Variants in MDGA2 observed in about 807,000 individuals in gnomAD.
MDGA2 encodes the protein MAM domain containing glycosylphosphatidylinositol anchor 2.
In MDGA2, 40 loss-of-function variants were observed where a neutral mutation model predicts 117.8. That is an observed-to-expected ratio of 0.34 (90% CI 0.26 to 0.44). The LOEUF (loss-of-function observed/expected upper bound fraction) is 0.44. Among genes scored for constraint, MDGA2 ranks in the 20% least tolerant of loss-of-function variants. The pLI is 1.00. For missense variants in MDGA2, 1,123 were observed against 1,250.6 expected, an observed-to-expected ratio of 0.90 and a Z score of 1.54; for synonymous variants, 452 against 439.0, an observed-to-expected ratio of 1.03 and a Z score of -0.37.
intron 2 of MDGA2, among the ~76,000 whole-genome samples, chr14:47,291,848 C>G (rs1888901157): frequency 6.6e-6 from 1 of 152,178 alleles, no homozygotes. Flanking sequence ...CTCTAGGTTA[C>G]CAAGACAATC....
chr14:47,461,050 G>C (rs751677407), intron 1 of MDGA2, among the ~76,000 whole-genome samples: 1 of 152,014 alleles, frequency 6.6e-6, no homozygotes, highest in Middle Eastern at 3.4e-3. Context: ...AAATCCGAGG[G>C]AATAAATTTT....
At chr14:47,563,035 T>G (rs1895845411) in intron 1 of MDGA2, among the ~76,000 whole-genome samples, 1 of 152,172 alleles carries the variant, frequency 6.6e-6, no homozygotes, top group Non-Finnish European at 1.5e-5. Flanking sequence ...CATATAATGT[T>G]ATGGTTTTGA....
chr14:47,146,524 T>C (rs1882950540), intron 3 of MDGA2, among the ~76,000 whole-genome samples: 1 of 152,350 alleles, frequency 6.6e-6, no homozygotes, highest in Middle Eastern at 3.4e-3. Context: ...TATCAAATAT[T>C]CATTAATTTG....
intron 8 of MDGA2, among the ~76,000 whole-genome samples, chr14:46,989,390 A>C (rs1886995525): frequency 6.6e-6 from 1 of 152,080 alleles, no homozygotes; most frequent in Non-Finnish European, 1.5e-5. Context: ...ATGATTTCTC[A>C]TCAGAGTGAA....
At chr14:47,600,367 G>C (rs1157966474) in intron 1 of MDGA2, among the ~76,000 whole-genome samples, 1 of 152,054 alleles carries the variant, frequency 6.6e-6, no homozygotes, top group African/African-American at 2.4e-5. Context: ...CCGGGAGACA[G>C]AGTTTGCAGT....
chr14:47,249,646 T>A (rs760997966), intron 2 of MDGA2, among the ~76,000 whole-genome samples: 1 of 152,196 alleles, frequency 6.6e-6, no homozygotes, highest in African/African-American at 2.4e-5. Flanking sequence ...CCACAATTCT[T>A]ATGGCCTCTT....
At chr14:46,960,053 C>G (rs1370300079) in intron 8 of MDGA2, among the ~76,000 whole-genome samples, 1 of 151,952 alleles carries the variant, frequency 6.6e-6, no homozygotes, top group Non-Finnish European at 1.5e-5. Context: ...GAAACCCCGT[C>G]TCTACCAAAA....
At chr14:47,609,320 G>GT (rs1366185618) in intron 1 of MDGA2, among the ~76,000 whole-genome samples, 1 of 148,882 alleles carries the variant, frequency 6.7e-6, no homozygotes, top group Non-Finnish European at 1.5e-5. Context: ...ACAATGTTTG[G>GT]TTTTCCATTC....
At chr14:47,142,475 A>G (rs1882763835) in intron 4 of MDGA2, among the ~76,000 whole-genome samples, 1 of 151,976 alleles carries the variant, frequency 6.6e-6, no homozygotes, top group African/African-American at 2.4e-5. Flanking sequence ...AAACAAACAA[A>G]CAAAAAGAAA....
intron 1 of MDGA2, among the ~76,000 whole-genome samples, chr14:47,514,835 C>T (rs1330084307): frequency 6.6e-6 from 1 of 152,098 alleles, no homozygotes; most frequent in Non-Finnish European, 1.5e-5. Context: ...AAGGGGGTCA[C>T]ATCATGACAA....
chr14:46,862,222 C>G (rs117387944), intron 14 of MDGA2, among the ~76,000 whole-genome samples: 72 of 151,766 alleles, frequency 4.7e-4, no homozygotes, highest in Non-Finnish European at 8.4e-4. Context: ...TAATTCTCAT[C>G]TTTTGGTCAC....
At chr14:47,026,861 A>T (rs1888491220) in intron 8 of MDGA2, among the ~76,000 whole-genome samples, 1 of 152,228 alleles carries the variant, frequency 6.6e-6, no homozygotes, top group South Asian at 2.1e-4. Context: ...GAACAGAGGC[A>T]TGTAAACTTT....
intron 1 of MDGA2, among the ~76,000 whole-genome samples, chr14:47,435,156 C>T (rs192054267): frequency 1.3e-5 from 2 of 152,118 alleles, no homozygotes; most frequent in East Asian, 3.9e-4. Context: ...CAAAGCAAAA[C>T]AAACCAACAT....
chr14:46,968,920 AGT>A (rs1886146770), intron 8 of MDGA2, among the ~76,000 whole-genome samples: 1 of 152,096 alleles, frequency 6.6e-6, no homozygotes. Context: ...AAAAATCAGT[AGT>A]GTTTCTATAT....
chr14:47,218,307 C>G (rs756593720), intron 2 of MDGA2, 112 bp from the exon 3 acceptor site: 51 of 885,172 alleles, frequency 5.8e-5, no homozygotes, highest in Non-Finnish European at 8.1e-5. Flanking sequence ...ATTGCCTCTC[C>G]CATCAAATTA....
chr14:46,990,337 A>C (rs1284376002), intron 8 of MDGA2, among the ~76,000 whole-genome samples: 3 of 152,078 alleles, frequency 2.0e-5, no homozygotes, highest in African/African-American at 7.2e-5. Context: ...GTACTCATTT[A>C]GTATTTCTTA....
intron 9 of MDGA2, among the ~76,000 whole-genome samples, chr14:46,943,438 CTTTGT>C (rs1472798642): frequency 6.6e-6 from 1 of 151,882 alleles, no homozygotes; most frequent in African/African-American, 2.4e-5. Context: ...CCATCTTGCT[CTTTGT>C]TTTGTCTCTT....
intron 1 of MDGA2, among the ~76,000 whole-genome samples, chr14:47,618,130 G>C (rs1452154040): frequency 1.3e-5 from 2 of 152,190 alleles, no homozygotes; most frequent in East Asian, 3.9e-4. Flanking sequence ...AGGGAGACAA[G>C]GATAAACATA....
intron 3 of MDGA2, among the ~76,000 whole-genome samples, chr14:47,188,249 A>G (rs1223801484): frequency 6.6e-6 from 1 of 152,166 alleles, no homozygotes; most frequent in African/African-American, 2.4e-5. Flanking sequence ...AACAAACAGA[A>G]TACAGCAGAA....
Sources: allele counts gnomAD v4.1 joint callset (sites outside exome capture counted in the v4.1 genomes callset), GRCh38; gene constraint gnomAD v4.1.1; transcripts MANE v1.5; gene names NCBI Gene and HGNC (gene_info 2026-07-23, HGNC 2026-07-21).